The following CLNS1A variants were observed in gnomAD, a reference collection of about 807,000 sequenced individuals.
CLNS1A encodes the protein chloride nucleotide-sensitive channel 1A.
Under a neutral mutation model 29.4 loss-of-function variants are expected in CLNS1A, and 16 were observed. The observed-to-expected ratio is 0.54, with a 90% CI of 0.37 to 0.83. The LOEUF (loss-of-function observed/expected upper bound fraction) is 0.83, where lower values mean the gene tolerates loss of function less well. Ranked by LOEUF, CLNS1A falls within the 40% of genes least tolerant of loss-of-function variation. The pLI is 0.00. For synonymous variants in CLNS1A, 96 were observed against 104.8 expected, an observed-to-expected ratio of 0.92 and a Z score of 0.51; for missense variants, 235 against 287.4, an observed-to-expected ratio of 0.82 and a Z score of 1.32.
chr11:77,617,408 G>A (rs970833673), intron 6 of CLNS1A, among the ~76,000 whole-genome samples: 1 of 150,930 alleles, frequency 6.6e-6, no homozygotes, highest in Non-Finnish European at 1.5e-5. Context: ...CGGGTGTGGT[G>A]GTGGGCACCT....
chr11:77,625,035 C>T lies in CLNS1A; in HGVS notation c.400G>A (p.Ala134Thr), dbSNP rs1209220755. The change falls in exon 4 of 7, where the codon GCC becomes ACC. Residue 134 changes from alanine to threonine, a missense_variant. Coordinates refer to ENST00000525428, the MANE Select transcript of CLNS1A (RefSeq NM_001293.3). ...TCATCCTCAGGATCTGGATGCAAGG[C>T]CTGGCATTCGCACATTGCAGTGAAC... ...AMFTAMCECQALHPDPEDEDS... is the reference protein window; with the variant it reads ...AMFTAMCECQTLHPDPEDEDS... 3.7e-6 allele frequency: 6 copies of T among 1,613,736 alleles called. No homozygotes were observed. The African/African-American group carries it at 8.0e-5, about 22-fold the overall frequency.
intron 2 of CLNS1A, 30 bp from the exon 3 acceptor site, chr11:77,625,848 T>C (rs746629801): frequency 6.9e-7 from 1 of 1,456,704 alleles, no homozygotes; most frequent in Non-Finnish European, 9.4e-7. Flanking sequence ...TTTAATGTCA[T>C]TATTTGACTT....
chr11:77,636,370 A>C (rs893204889), intron 1 of CLNS1A, among the ~76,000 whole-genome samples: 11 of 152,182 alleles, frequency 7.2e-5, no homozygotes, highest in African/African-American at 2.6e-4. Context: ...GCCCGGCCCA[A>C]CACGGTCATA....
chr11:77,626,446 C>T (rs1384677158), intron 2 of CLNS1A, among the ~76,000 whole-genome samples: 1 of 152,014 alleles, frequency 6.6e-6, no homozygotes, highest in Non-Finnish European at 1.5e-5. Context: ...TGAGTCCAGC[C>T]TGGCCAATAT....
At chr11:77,631,977 A>T (rs1348070653) in intron 1 of CLNS1A, among the ~76,000 whole-genome samples, 1 of 151,660 alleles carries the variant, frequency 6.6e-6, no homozygotes, top group South Asian at 2.1e-4. Flanking sequence ...ACCTCAGGTG[A>T]TCTGCCACCT....
chr11:77,629,714 T>C (rs1959055766), intron 2 of CLNS1A, 49 bp downstream of exon 2: 3 of 1,585,140 alleles, frequency 1.9e-6, no homozygotes, highest in Non-Finnish European at 2.6e-6. Context: ...TTTTTTAAAA[T>C]ATAATTTGCT....
chr11:77,625,256 T>C (rs946876584), intron 3 of CLNS1A, 186 bp from the exon 4 acceptor site: 2 of 572,990 alleles, frequency 3.5e-6, no homozygotes, highest in African/African-American at 3.8e-5. Context: ...TTATGAGAGA[T>C]CATTGCAATC....
rs147214856 is a variant in CLNS1A, at chr11:77,624,972, C to T, written c.463G>A (p.Glu155Lys). Residue 155 changes from glutamate (E) to lysine (K), a missense_variant, in exon 4 of 7, where the codon GAA becomes AAA. Physicochemically the swap from Glu to Lys is moderately conservative, Grantham distance 56. Coordinates refer to ENST00000525428, the MANE Select transcript of CLNS1A (RefSeq NM_001293.3). ...DDYDGEEYDV[E>K]AHEQGQGDIP... ...AATCCATTTCACTAACCATGTGCTT[C>T]CACATCATATTCTTCTCCATCGTAG... is the stretch of plus-strand genomic sequence containing the variant. The T allele has an allele frequency of 1.1e-3, 1,842 of 1,605,344 alleles. No individual in the cohort carries two copies. Among genetic ancestry groups the T allele is most frequent in the Non-Finnish European group, 1.5e-3 (1,730 of 1,174,724 alleles).
At chr11:77,629,070 AC>A (rs1331895494) in intron 2 of CLNS1A, among the ~76,000 whole-genome samples, 1 of 152,180 alleles carries the variant, frequency 6.6e-6, no homozygotes, top group African/African-American at 2.4e-5. Flanking sequence ...AACCACTGAG[AC>A]CCACTACTGA....
chr11:77,617,293 G>A (rs1030436306), intron 6 of CLNS1A, among the ~76,000 whole-genome samples: 3 of 150,176 alleles, frequency 2.0e-5, no homozygotes, highest in African/African-American at 4.9e-5. Flanking sequence ...ACTTGAACCC[G>A]GGGGGGCGGA....
chr11:77,629,112 T>C (rs1255722456), intron 2 of CLNS1A, among the ~76,000 whole-genome samples: 1 of 152,110 alleles, frequency 6.6e-6, no homozygotes, highest in South Asian at 2.1e-4. Flanking sequence ...TCTTAAATTA[T>C]GAGAAGCACA....
At chr11:77,623,799 T>C (rs1288893378) in intron 4 of CLNS1A, among the ~76,000 whole-genome samples, 2 of 151,946 alleles carry the variant, frequency 1.3e-5, no homozygotes, top group African/African-American at 4.8e-5. Context: ...ATAAGACCAG[T>C]AGGGAAAAGA....
At chr11:77,623,295 TA>T (rs549575511) in intron 4 of CLNS1A, among the ~76,000 whole-genome samples, 1 of 151,984 alleles carries the variant, frequency 6.6e-6, no homozygotes, top group African/African-American at 2.4e-5. Flanking sequence ...GCTCCTTTCT[TA>T]AAAAAAATCA....
chr11:77,629,616 G>T (rs1449852279), intron 2 of CLNS1A, 147 bp downstream of exon 2: 2 of 623,566 alleles, frequency 3.2e-6, no homozygotes, highest in Non-Finnish European at 5.3e-6. Flanking sequence ...GGATGGTCTC[G>T]ATCTCCTGAC....
chr11:77,629,863 G>A lies in CLNS1A; in HGVS notation c.162C>T (p.Phe54=), dbSNP rs1225179570. 2 of 1,613,932 alleles carry A rather than the reference G, an allele frequency of 1.2e-6. No individual in the cohort carries two copies. Among genetic ancestry groups the A allele is most frequent in the East Asian group, 2.2e-5 (1 of 44,884 alleles). ...LSWLDGSGLG[F]SLEYPTISLH... ...AACTAATGGTGGGGTATTCCAGTGA[G>A]AATCCTAATCCAGAGCCATCTAACC... is the stretch of plus-strand genomic sequence containing the variant. Residue 54 remains phenylalanine (F), a synonymous_variant, in exon 2 of 7, where the codon TTC becomes TTT. Coordinates refer to ENST00000525428, the MANE Select transcript of CLNS1A (RefSeq NM_001293.3).
chr11:77,622,685 G>A lies in CLNS1A; in HGVS notation c.473-12C>T, dbSNP rs1958974451. 1 of 1,550,408 alleles carries A rather than the reference G, an allele frequency of 6.4e-7. No individual in the cohort carries two copies. The highest frequency in any genetic ancestry group is 8.7e-7 in the Non-Finnish European group (1 of 1,154,038). ...CCCCTGTCCTTGTTCTAAACAAACA[G>A]AAAACTTTAAAGTTTAAATACAACA... On this transcript the variant is annotated splice_polypyrimidine_tract_variant and intron_variant, in intron 4 of 6. Transcript: ENST00000525428.
chr11:77,633,866 C>T (rs747165760), intron 1 of CLNS1A, among the ~76,000 whole-genome samples: 13 of 151,968 alleles, frequency 8.6e-5, no homozygotes, highest in Non-Finnish European at 1.9e-4. Flanking sequence ...CTTGGGAGGC[C>T]GAGGCAGATG....
At chr11:77,636,185 C>T (rs1158689460) in intron 1 of CLNS1A, among the ~76,000 whole-genome samples, 1 of 152,142 alleles carries the variant, frequency 6.6e-6, no homozygotes, top group Non-Finnish European at 1.5e-5. Flanking sequence ...ATCCTCCCAC[C>T]TCAGTTTCCT....
rs1235574796 is a variant in CLNS1A, at chr11:77,615,232, A to G, written c.*1486T>C. 3 of 152,248 alleles carry G rather than the reference A, an allele frequency of 2.0e-5. No individual in the cohort carries two copies. Among genetic ancestry groups the G allele is most frequent in the African/African-American group, 4.8e-5 (2 of 41,452 alleles). 9.4% of individuals were successfully genotyped at this position (152,248 alleles called of 1,614,324 possible). A position where few individuals can be genotyped will look rare whatever the true frequency, so the allele number is the denominator to read the frequency against. On this transcript the variant is annotated 3_prime_UTR_variant, in exon 7 of 7. Coordinates refer to ENST00000525428, the MANE Select transcript of CLNS1A (RefSeq NM_001293.3). ...CTGACTGATTACTGAAGAATGGACA[A>G]ACTTCTAGGATAGAATTATGGGTGT...
Sources: gnomAD v4.1 joint callset for allele counts (sites outside exome capture counted in the v4.1 genomes callset) on GRCh38, gnomAD v4.1.1 for gene constraint, MANE v1.5 for transcripts, NCBI Gene and HGNC (gene_info 2026-07-23, HGNC 2026-07-21) for gene names.